Variants in KCNQ5 observed in about 807,000 individuals in gnomAD.
KCNQ5 encodes potassium voltage-gated channel subfamily Q member 5, also known as potassium voltage-gated channel subfamily KQT member 5.
Under a neutral mutation model 98.2 loss-of-function variants are expected in KCNQ5, and 30 were observed. The ratio of observed to expected loss-of-function variants is 0.31; its 90% confidence interval spans 0.23 to 0.41. The LOEUF is 0.41. Ranked by LOEUF, KCNQ5 falls within the 10% of genes least tolerant of loss-of-function variation. The probability of loss-of-function intolerance (pLI) is 1.00; values close to 1 mark genes in which losing one functional copy is unlikely to be tolerated. For synonymous variants in KCNQ5, 458 were observed against 449.4 expected (o/e 1.02, Z -0.24); for missense variants, 835 against 1,182.5 (o/e 0.71, Z 4.31).
At chr6:72,751,179 G>A (rs1771660341) in intron 1 of KCNQ5, among the ~76,000 whole-genome samples, 1 of 151,942 alleles carries the variant, frequency 6.6e-6, no homozygotes, top group South Asian at 2.1e-4. Context: ...TGGATTTTAG[G>A]GGATAGGCAA....
intron 1 of KCNQ5, among the ~76,000 whole-genome samples, chr6:72,961,382 C>T (rs963990601): frequency 4.0e-5 from 6 of 151,608 alleles, no homozygotes; most frequent in Admixed American, 2.0e-4. Flanking sequence ...TTTGGGAGGC[C>T]GAAGGCGGGC....
chr6:72,985,103 G>A (rs958667621), intron 1 of KCNQ5, among the ~76,000 whole-genome samples: 5 of 152,224 alleles, frequency 3.3e-5, no homozygotes, highest in African/African-American at 7.2e-5. Flanking sequence ...ATACTTGGGA[G>A]GCTGAAGCAG....
chr6:72,669,230 A>G (rs1766976000), intron 1 of KCNQ5, among the ~76,000 whole-genome samples: 1 of 152,206 alleles, frequency 6.6e-6, no homozygotes, highest in Non-Finnish European at 1.5e-5. Flanking sequence ...GTGAAACCCG[A>G]CAAGCTAATG....
intron 1 of KCNQ5, among the ~76,000 whole-genome samples, chr6:72,927,176 G>T (rs1019799102): frequency 6.6e-6 from 1 of 152,154 alleles, no homozygotes; most frequent in African/African-American, 2.4e-5. Context: ...AGGTGTTTCA[G>T]TAGTACTTAG....
chr6:73,179,913 A>C (rs1778346362), intron 11 of KCNQ5, among the ~76,000 whole-genome samples: 1 of 152,218 alleles, frequency 6.6e-6, no homozygotes, highest in Admixed American at 6.5e-5. Flanking sequence ...AAAGTGCCCA[A>C]GCAATAGGAT....
chr6:72,643,656 A>G (rs964223405), intron 1 of KCNQ5, among the ~76,000 whole-genome samples: 2 of 152,142 alleles, frequency 1.3e-5, no homozygotes, highest in East Asian at 1.9e-4. Flanking sequence ...TTCAAAAAAA[A>G]CCTGGAGAGG....
chr6:72,754,380 G>C (rs897899522), intron 1 of KCNQ5, among the ~76,000 whole-genome samples: 2 of 151,898 alleles, frequency 1.3e-5, no homozygotes, highest in African/African-American at 4.8e-5. Flanking sequence ...CATCTTTTTT[G>C]TGTTTCATTA....
At chr6:72,962,345 A>T (rs891366526) in intron 1 of KCNQ5, among the ~76,000 whole-genome samples, 2 of 150,850 alleles carry the variant, frequency 1.3e-5, no homozygotes, top group African/African-American at 2.4e-5. Context: ...AGAGACTCAG[A>T]TGCAGGAGAG....
chr6:73,109,752 G>A (rs555348866), intron 6 of KCNQ5, among the ~76,000 whole-genome samples: 1 of 152,274 alleles, frequency 6.6e-6, no homozygotes, highest in South Asian at 2.1e-4. Flanking sequence ...GACAGCGTAA[G>A]ACAGTCACTG....
intron 1 of KCNQ5, among the ~76,000 whole-genome samples, chr6:72,828,068 A>AT (rs891474792): frequency 1.4e-4 from 22 of 151,882 alleles, no homozygotes; most frequent in African/African-American, 5.1e-4. Flanking sequence ...TGGGTTCTTT[A>AT]TTCTGTTCCA....
chr6:73,035,734 A>T (rs1771383334), intron 2 of KCNQ5, among the ~76,000 whole-genome samples: 1 of 152,186 alleles, frequency 6.6e-6, no homozygotes, highest in South Asian at 2.1e-4. Context: ...TGAAGAACAC[A>T]TTTCCTCTTA....
chr6:73,185,349 T>C (rs1778534581), intron 11 of KCNQ5, among the ~76,000 whole-genome samples: 1 of 152,084 alleles, frequency 6.6e-6, no homozygotes. Flanking sequence ...GCATGGTTAA[T>C]TTTTTATTCT....
At chr6:73,099,806 T>C (rs1774685239) in intron 5 of KCNQ5, among the ~76,000 whole-genome samples, 1 of 152,174 alleles carries the variant, frequency 6.6e-6, no homozygotes, top group Admixed American at 6.5e-5. Context: ...ACATCAAACT[T>C]AATCTGCACA....
At chr6:73,139,717 T>A (rs1048767080) in intron 10 of KCNQ5, among the ~76,000 whole-genome samples, 1 of 152,062 alleles carries the variant, frequency 6.6e-6, no homozygotes, top group Non-Finnish European at 1.5e-5. Flanking sequence ...ATAAATAAAT[T>A]AGTATTTCAA....
At chr6:73,013,485 C>G (rs1770176566) in intron 2 of KCNQ5, among the ~76,000 whole-genome samples, 1 of 152,062 alleles carries the variant, frequency 6.6e-6, no homozygotes, top group Non-Finnish European at 1.5e-5. Context: ...TGTTAATTTC[C>G]TATATTTGGT....
chr6:72,691,239 A>G (rs1190866533), intron 1 of KCNQ5, among the ~76,000 whole-genome samples: 2 of 152,224 alleles, frequency 1.3e-5, no homozygotes, highest in African/African-American at 4.8e-5. Flanking sequence ...AGAGATCTCA[A>G]GTTGGAATGT....
intron 3 of KCNQ5, among the ~76,000 whole-genome samples, chr6:73,075,092 C>T (rs369822635): frequency 1.3e-5 from 2 of 152,154 alleles, no homozygotes; most frequent in Middle Eastern, 3.4e-3. Context: ...ATTGCAAAGA[C>T]ATAGTCGTTG....
At chr6:72,700,127 G>GTTA (rs1768719219) in intron 1 of KCNQ5, among the ~76,000 whole-genome samples, 1 of 152,156 alleles carries the variant, frequency 6.6e-6, no homozygotes, top group Non-Finnish European at 1.5e-5. Flanking sequence ...GTTTTGTCAT[G>GTTA]TTATTATTAT....
In KCNQ5 at chr6:72,624,397, C is replaced by CT. The variant is rs1192758255; in HGVS notation, c.398+1818dup. 4.6e-5 allele frequency among the ~76,000 whole-genome samples: 7 copies of CT among 151,864 alleles called. No homozygotes were observed. In the South Asian group the frequency reaches 6.2e-4, roughly 13 times the overall value. ...TATGCTCAAAACATTTCTAGCCTTT[C>CT]TTTTTTTTATATTATGCATTGTATA... On this transcript the variant is annotated intron_variant, in intron 1 of 13. Transcript: ENST00000370398.
Sources: allele counts gnomAD v4.1 joint callset (sites outside exome capture counted in the v4.1 genomes callset), GRCh38; gene constraint gnomAD v4.1.1; transcripts MANE v1.5; gene names NCBI Gene and HGNC (gene_info 2026-07-23, HGNC 2026-07-21).